Variants in GABRR3 observed in about 807,000 individuals in gnomAD.
The protein encoded by GABRR3 is gamma-aminobutyric acid receptor subunit rho-3.
Under a neutral mutation model 43.2 loss-of-function variants are expected in GABRR3, and 29 were observed. The ratio of observed to expected loss-of-function variants is 0.67; its 90% CI spans 0.50 to 0.92. The LOEUF (loss-of-function observed/expected upper bound fraction) is 0.92, where lower values mean the gene tolerates loss of function less well. GABRR3 is among the 40% of genes least tolerant of loss of function. The pLI, the probability that GABRR3 is intolerant of heterozygous loss-of-function variation, is 0.00. For missense variants in GABRR3, 576 were observed against 572.3 expected (o/e 1.01, Z -0.07); for synonymous variants, 206 against 195.9 (o/e 1.05, Z -0.43).
intron 3 of GABRR3, among the ~76,000 whole-genome samples, chr3:98,019,802 G>T (rs1439705420): frequency 6.6e-6 from 1 of 152,120 alleles, no homozygotes; most frequent in Non-Finnish European, 1.5e-5. Context: ...GACCTCAGGT[G>T]ATCTGCCCGC....
intron 3 of GABRR3, among the ~76,000 whole-genome samples, chr3:98,025,151 C>A (rs1355422573): frequency 6.6e-6 from 1 of 152,158 alleles, no homozygotes; most frequent in Admixed American, 6.5e-5. Context: ...TTTTAAAAGA[C>A]AATTCAGCAG....
chr3:98,002,496 G>A (rs575624236), intron 7 of GABRR3, among the ~76,000 whole-genome samples: 6 of 152,246 alleles, frequency 3.9e-5, no homozygotes, highest in African/African-American at 1.4e-4. Context: ...CAAATTTTCA[G>A]ACATCTACAG....
Position 98,009,042 on chromosome 3 carries a change from TAAA to T in GABRR3, c.531-7_531-5del. ...GCACATGGCCGAAACCGTTATCCTATAAAAAGAATGAGAAAAAGAAAACTGCAG... is the reference window on the plus strand; with the variant it reads ...GCACATGGCCGAAACCGTTATCCTATAAGAATGAGAAAAAGAAAACTGCAG... On this transcript the variant is annotated splice_polypyrimidine_tract_variant and splice_region_variant and intron_variant, in intron 5 of 9. Transcript: ENST00000621172. 7 of 1,592,820 alleles carry T rather than the reference TAAA, an allele frequency of 4.4e-6. No homozygotes were observed. Among genetic ancestry groups the T allele is most frequent in the Non-Finnish European group, 6.0e-6 (7 of 1,167,466 alleles).
chr3:98,020,738 G>C (rs2107245521), intron 3 of GABRR3, among the ~76,000 whole-genome samples: 1 of 152,196 alleles, frequency 6.6e-6, no homozygotes, highest in South Asian at 2.1e-4. Context: ...TGGGTTTCTG[G>C]AAATACCTTC....
chr3:97,993,652 G>A (rs543619780), intron 8 of GABRR3, among the ~76,000 whole-genome samples: 1 of 152,184 alleles, frequency 6.6e-6, no homozygotes, highest in East Asian at 1.9e-4. Context: ...GCTAGTAGGG[G>A]TTCAGTTCAT....
intron 3 of GABRR3, among the ~76,000 whole-genome samples, chr3:98,018,400 T>C (rs564563758): frequency 1.0e-3 from 155 of 152,264 alleles, no homozygotes; most frequent in African/African-American, 3.7e-3. Flanking sequence ...AATGAGAAAA[T>C]ACTGAGAGTA....
intron 9 of GABRR3, among the ~76,000 whole-genome samples, chr3:97,990,522 A>C (rs1301587274): frequency 6.6e-6 from 1 of 151,848 alleles, no homozygotes; most frequent in Non-Finnish European, 1.5e-5. Flanking sequence ...TAATTTTTGT[A>C]TTTTTAGTAG....
At chr3:97,986,714 A>G (rs1576032367) in exon 10 of GABRR3, 2 of 1,566,736 alleles carry the variant, frequency 1.3e-6, no homozygotes, top group South Asian at 1.2e-5. Context: ...AAACAAATTA[A>G]ATAAAATATA....
chr3:98,021,578 C>A (rs1176547866), intron 3 of GABRR3, among the ~76,000 whole-genome samples: 2 of 152,142 alleles, frequency 1.3e-5, no homozygotes, highest in African/African-American at 4.8e-5. Context: ...TTAAAACCAA[C>A]TTACATGTTA....
At chr3:98,001,497 C>T in intron 8 of GABRR3, 118 bp downstream of exon 8, 2 of 1,072,446 alleles carry the variant, frequency 1.9e-6, no homozygotes, top group East Asian at 2.5e-5. Context: ...GGATGTTCAT[C>T]TCTGACTATC....
At chr3:97,987,535 A>T (rs1383953546) in intron 9 of GABRR3, among the ~76,000 whole-genome samples, 1 of 152,232 alleles carries the variant, frequency 6.6e-6, no homozygotes, top group Non-Finnish European at 1.5e-5. Context: ...TCATAGGAAA[A>T]TTCAAAAATG....
chr3:98,012,486 T>C, exon 5 of GABRR3: 1 of 1,613,926 alleles, frequency 6.2e-7, no homozygotes, highest in Non-Finnish European at 8.5e-7. Context: ...TGATCAAATG[T>C]CATGCTTTTG....
intron 2 of GABRR3, among the ~76,000 whole-genome samples, chr3:98,028,767 C>T (rs1707052390): frequency 6.6e-6 from 1 of 152,172 alleles, no homozygotes; most frequent in African/African-American, 2.4e-5. Flanking sequence ...ACATGCCCCT[C>T]AGATACCTTG....
chr3:98,000,121 G>A (rs1025076228), intron 8 of GABRR3: 1 of 152,094 alleles, frequency 6.6e-6, no homozygotes, highest in Non-Finnish European at 1.5e-5. Flanking sequence ...TAAAAAGTGG[G>A]AGAGGGACAC....
intron 4 of GABRR3, among the ~76,000 whole-genome samples, chr3:98,015,149 G>A (rs1303155909): frequency 6.6e-6 from 1 of 152,204 alleles, no homozygotes; most frequent in Non-Finnish European, 1.5e-5. Context: ...ATGGAAAATG[G>A]AGTTTGAAAA....
intron 4 of GABRR3, among the ~76,000 whole-genome samples, chr3:98,016,900 GT>G (rs1706878929): frequency 6.6e-6 from 1 of 152,126 alleles, no homozygotes; most frequent in Non-Finnish European, 1.5e-5. Flanking sequence ...GAAAATTACG[GT>G]TGATAATATT....
chr3:98,004,660 G>A (rs535657584), intron 7 of GABRR3, among the ~76,000 whole-genome samples: 12 of 150,744 alleles, frequency 8.0e-5, no homozygotes, highest in African/African-American at 9.8e-5. Context: ...CAGTGGCAAC[G>A]GTAGTGGTGA....
intron 2 of GABRR3, among the ~76,000 whole-genome samples, chr3:98,031,651 G>A (rs1707087800): frequency 6.6e-6 from 1 of 152,050 alleles, no homozygotes; most frequent in Non-Finnish European, 1.5e-5. Flanking sequence ...GTTGAGGTGG[G>A]AGGACCACTT....
chr3:98,009,093 T>TGA, intron 5 of GABRR3, 55 bp from the exon 6 acceptor site: 3 of 1,130,778 alleles, frequency 2.7e-6, no homozygotes, highest in Non-Finnish European at 3.9e-6. Flanking sequence ...TCTGGCCAAA[T>TGA]GAGCATGCAA....
Sources: gnomAD v4.1 joint callset for allele counts (sites outside exome capture counted in the v4.1 genomes callset) on GRCh38, gnomAD v4.1.1 for gene constraint, MANE v1.5 for transcripts, NCBI Gene and HGNC (gene_info 2026-07-23, HGNC 2026-07-21) for gene names.